Variants in LARGE1 observed in about 807,000 individuals in gnomAD.
LARGE1 encodes LARGE xylosyl- and glucuronyltransferase 1, also known as xylosyl- and glucuronyltransferase LARGE1.
A neutral mutation model predicts 87.6 loss-of-function variants in LARGE1; 43 were observed. The observed-to-expected ratio is 0.49, with a 90% CI of 0.38 to 0.63. LARGE1 has a LOEUF of 0.63. LARGE1 is among the 30% of genes least tolerant of loss of function. The probability of loss-of-function intolerance (pLI) is 0.00; values close to 1 mark genes in which losing one functional copy is unlikely to be tolerated. For missense variants in LARGE1, 802 were observed against 1,000.2 expected (o/e 0.80, Z 2.67); for synonymous variants, 434 against 394.6 (o/e 1.10, Z -1.18).
rs796413926 is a variant in LARGE1 at position 33,364,097 on chromosome 22, C to A, written c.1131+17822G>T. ...TGAGACGGAGTCTCGCTCTGTCGCC[C>A]AGGCTGGAGTGCAGTGGCGCAATCT... On this transcript the variant is annotated intron_variant, in intron 9 of 14. Coordinates refer to ENST00000397394, the MANE Select transcript of LARGE1 (RefSeq NM_133642.5). 2.3e-4 allele frequency among the ~76,000 whole-genome samples: 30 copies of A among 131,140 alleles called. 1 individual carries two copies. The highest frequency in any genetic ancestry group is 6.3e-4 in the African/African-American group (23 of 36,250). The allele number at this position is 131,140 out of a possible 152,430, so 86.0% of individuals were successfully genotyped here. A position where few individuals can be genotyped will look rare whatever the true frequency, so the allele number is the denominator to read the frequency against.
At chr22:33,113,551 C>T in the LARGE1 span, among the ~76,000 whole-genome samples, 1 of 152,206 alleles carries the variant, frequency 6.6e-6, no homozygotes, top group Non-Finnish European at 1.5e-5. Flanking sequence ...TATCACTTAC[C>T]CATTCTACAA....
chr22:33,912,277 A>C (rs2065660332), intron 1 of LARGE1, among the ~76,000 whole-genome samples: 1 of 152,196 alleles, frequency 6.6e-6, no homozygotes. Context: ...AATAACAAAT[A>C]TGCATTTAAT....
chr22:33,661,871 A>C (rs574950332), intron 2 of LARGE1, among the ~76,000 whole-genome samples: 2 of 152,166 alleles, frequency 1.3e-5, no homozygotes, highest in Non-Finnish European at 2.9e-5. Flanking sequence ...CAGATAACCC[A>C]CTCAGACTTT....
chr22:33,516,911 C>T (rs748844626), intron 6 of LARGE1, among the ~76,000 whole-genome samples: 17 of 152,188 alleles, frequency 1.1e-4, no homozygotes, highest in Non-Finnish European at 2.1e-4. Context: ...GCACCTCTGT[C>T]CCCTGTTTAC....
the LARGE1 span, among the ~76,000 whole-genome samples, chr22:33,077,322 T>C: frequency 0.3 from 46,318 of 152,004 alleles, 7,529 homozygotes; most frequent in Admixed American, 0.38. Context: ...AGGAACCTCA[T>C]AGAGTGCCTA....
intron 6 of LARGE1, among the ~76,000 whole-genome samples, chr22:33,480,602 T>C (rs903648962): frequency 2.6e-5 from 4 of 152,156 alleles, no homozygotes; most frequent in African/African-American, 9.7e-5. Context: ...TCTCAGTAAA[T>C]CAAATTTCAT....
the LARGE1 span, among the ~76,000 whole-genome samples, chr22:33,135,106 G>A: frequency 6.6e-6 from 1 of 152,226 alleles, no homozygotes; most frequent in Non-Finnish European, 1.5e-5. Context: ...CTCTCAGTGA[G>A]CACATGGGTG....
chr22:33,760,436 C>G (rs1178632753), intron 2 of LARGE1, among the ~76,000 whole-genome samples: 4 of 152,196 alleles, frequency 2.6e-5, no homozygotes, highest in Admixed American at 2.6e-4. Flanking sequence ...AACTGATCAT[C>G]TTTCATCCCC....
At chr22:33,662,342 A>G (rs2081152140) in intron 2 of LARGE1, among the ~76,000 whole-genome samples, 2 of 152,130 alleles carry the variant, frequency 1.3e-5, no homozygotes, top group African/African-American at 4.8e-5. Flanking sequence ...GCCCTGCCCC[A>G]TCTTTTCAGG....
intron 1 of LARGE1, among the ~76,000 whole-genome samples, chr22:33,768,146 A>C (rs2084960717): frequency 6.6e-6 from 1 of 152,108 alleles, no homozygotes; most frequent in Non-Finnish European, 1.5e-5. Context: ...CATACCAACC[A>C]AAAATACAAA....
chr22:33,918,548 T>C (rs900883349), intron 1 of LARGE1, among the ~76,000 whole-genome samples: 10 of 152,186 alleles, frequency 6.6e-5, no homozygotes, highest in Admixed American at 3.3e-4. Context: ...ATGTGTGAAA[T>C]CTTAAAGCTG....
At chr22:33,158,816 A>G (rs1213417897), downstream of LARGE1, among the ~76,000 whole-genome samples, 1 of 152,226 alleles carries the variant, frequency 6.6e-6, no homozygotes, top group East Asian at 1.9e-4. Flanking sequence ...TTCTTCAATC[A>G]GATATGGCAG....
chr22:33,544,642 G>A (rs1212668048), intron 6 of LARGE1, among the ~76,000 whole-genome samples: 5 of 151,938 alleles, frequency 3.3e-5, no homozygotes, highest in Non-Finnish European at 5.9e-5. Context: ...AGATCACACC[G>A]CTGCAGTCCA....
Position 33,171,009 on chromosome 22 carries a change from T to A in LARGE1, c.1731-4177A>T, listed in dbSNP as rs144758625. ...ATGGACGATAAAGTCCAGGCTGAGG[T>A]GGTCTCAGATGGAGATAAGGAAGTT... On this transcript the variant is annotated intron_variant, in intron 11 of 11. Coordinates refer to the LARGE1 transcript ENST00000608642. 6.2e-3 allele frequency among the ~76,000 whole-genome samples: 943 copies of A among 152,202 alleles called. 9 individuals carry two copies. The highest frequency in any genetic ancestry group is 0.02 in the African/African-American group (836 of 41,534).
intron 6 of LARGE1, among the ~76,000 whole-genome samples, chr22:33,530,329 C>G (rs934547261): frequency 2.0e-5 from 3 of 152,142 alleles, no homozygotes; most frequent in African/African-American, 7.2e-5. Flanking sequence ...GCTTACAGCA[C>G]AGTTACTTGC....
At chr22:33,454,958 A>G (rs1601913914) in intron 6 of LARGE1, among the ~76,000 whole-genome samples, 1 of 152,198 alleles carries the variant, frequency 6.6e-6, no homozygotes. Context: ...ACAAGTGGAT[A>G]TGAGACTTGG....
intron 11 of LARGE1, among the ~76,000 whole-genome samples, chr22:33,209,670 G>A (rs1303348883): frequency 1.3e-5 from 2 of 152,268 alleles, no homozygotes; most frequent in East Asian, 1.9e-4. Flanking sequence ...AATAGAGACA[G>A]GGTCTCACTC....
At chr22:33,760,969 ACAC>A (rs548599952) in intron 2 of LARGE1, among the ~76,000 whole-genome samples, 15 of 151,482 alleles carry the variant, frequency 9.9e-5, no homozygotes, top group African/African-American at 2.7e-4. Flanking sequence ...CAAACAAAAA[ACAC>A]CACCACCACC....
chr22:33,348,280 A>ACCCCC (rs11327050), intron 9 of LARGE1, among the ~76,000 whole-genome samples: 27 of 100,922 alleles, frequency 2.7e-4, no homozygotes, highest in Non-Finnish European at 4.1e-4. Flanking sequence ...TCCCCCACCC[A>ACCCCC]CCCCCCCCCA....
Sources: gnomAD v4.1 joint callset for allele counts (sites outside exome capture counted in the v4.1 genomes callset) on GRCh38, gnomAD v4.1.1 for gene constraint, MANE v1.5 for transcripts, NCBI Gene and HGNC (gene_info 2026-07-23, HGNC 2026-07-21) for gene names.